CDH13: variants seen among roughly 807,000 people sequenced by gnomAD.
The protein encoded by CDH13 is cadherin 13, also known as cadherin-13.
CDH13 carries 24 observed loss-of-function variants against 63.8 expected under a neutral mutation model. The ratio of observed to expected loss-of-function variants is 0.38; its 90% confidence interval spans 0.27 to 0.53. CDH13 has a LOEUF of 0.53. Among genes scored for constraint, CDH13 ranks in the 20% least tolerant of loss-of-function variants. The pLI is 0.85. For missense variants in CDH13, 1,049 were observed against 903.1 expected (o/e 1.16, Z -2.07); for synonymous variants, 503 against 355.3 (o/e 1.42, Z -4.67).
At chr16:83,310,319 G>C (rs77635880) in intron 5 of CDH13, among the ~76,000 whole-genome samples, 12,088 of 152,224 alleles carry the variant, frequency 0.079, 678 homozygotes, top group Non-Finnish European at 0.12. Context: ...TTTTGATAAG[G>C]TAAATTAGTT....
At chr16:83,000,699 C>A (rs913961941) in intron 2 of CDH13, among the ~76,000 whole-genome samples, 2 of 151,462 alleles carry the variant, frequency 1.3e-5, no homozygotes, top group Non-Finnish European at 2.9e-5. Context: ...CCTGCCTCAG[C>A]TTCCCAGGTA....
chr16:82,756,772 T>C (rs2034627262), intron 1 of CDH13, among the ~76,000 whole-genome samples: 1 of 152,144 alleles, frequency 6.6e-6, no homozygotes, highest in South Asian at 2.1e-4. Flanking sequence ...TCTTGGAAGA[T>C]TATGCTTTCG....
intron 5 of CDH13, among the ~76,000 whole-genome samples, chr16:83,340,093 C>A (rs1396044648): frequency 6.6e-6 from 1 of 152,186 alleles, no homozygotes; most frequent in African/African-American, 2.4e-5. Flanking sequence ...TGCAATGTTT[C>A]ACTTTTCAAT....
chr16:82,875,880 C>T (rs761754473), intron 2 of CDH13, among the ~76,000 whole-genome samples: 22 of 152,276 alleles, frequency 1.4e-4, no homozygotes, highest in Admixed American at 4.6e-4. Context: ...ATACCCGAGA[C>T]TGGGCAATTT....
At chr16:83,573,724 A>T (rs998621354) in intron 7 of CDH13, among the ~76,000 whole-genome samples, 1 of 152,238 alleles carries the variant, frequency 6.6e-6, no homozygotes, top group Non-Finnish European at 1.5e-5. Context: ...AAATGTAGGT[A>T]ACTCTTTTCT....
chr16:83,077,035 T>G (rs1263259161), intron 3 of CDH13, among the ~76,000 whole-genome samples: 3 of 152,022 alleles, frequency 2.0e-5, no homozygotes, highest in Non-Finnish European at 4.4e-5. Context: ...CCACCAATAT[T>G]CTGATTTTTC....
chr16:83,764,170 T>C (rs1914197497), intron 11 of CDH13, among the ~76,000 whole-genome samples: 1 of 152,162 alleles, frequency 6.6e-6, no homozygotes, highest in South Asian at 2.1e-4. Context: ...GAATCATGAG[T>C]GCTGAGGCAA....
At chr16:82,870,612 A>G (rs1361062148) in intron 2 of CDH13, among the ~76,000 whole-genome samples, 3 of 152,164 alleles carry the variant, frequency 2.0e-5, no homozygotes, top group Non-Finnish European at 4.4e-5. Context: ...TTTATTATAT[A>G]TTTTACATAC....
intron 6 of CDH13, among the ~76,000 whole-genome samples, chr16:83,437,254 T>C (rs1178257066): frequency 6.6e-6 from 1 of 152,186 alleles, no homozygotes; most frequent in African/African-American, 2.4e-5. Context: ...TCAGTTTCCT[T>C]CTTTGTTAGA....
chr16:82,824,888 T>G (rs2038170546), intron 1 of CDH13: 1 of 152,242 alleles, frequency 6.6e-6, no homozygotes, highest in South Asian at 2.1e-4. Flanking sequence ...TTCTCATTAG[T>G]ATTTGTTCAG....
At chr16:83,004,312 C>T (rs900937903) in intron 2 of CDH13, among the ~76,000 whole-genome samples, 11 of 152,182 alleles carry the variant, frequency 7.2e-5, no homozygotes, top group African/African-American at 2.7e-4. Flanking sequence ...ACTTTGAATT[C>T]ACAAAACACT....
Position 83,456,013 on chromosome 16 carries a change from C to T in CDH13, c.782-30464C>T, listed in dbSNP as rs371598005. Among the ~76,000 whole-genome samples the T allele has an allele frequency of 1.7e-3, 264 of 152,346 alleles. 9 individuals are homozygous for T. The South Asian group carries it at 0.053, about 30-fold the overall frequency. On this transcript the variant is annotated intron_variant, in intron 6 of 13. Transcript: ENST00000567109. ...GGAGGCTCCCACTGCTGTTACCCTG[C>T]TGTCTGTCTTCAGCGAGGCTGGAGT...
At chr16:83,000,131 G>A (rs1183061242) in intron 2 of CDH13, among the ~76,000 whole-genome samples, 1 of 150,154 alleles carries the variant, frequency 6.7e-6, no homozygotes, top group Non-Finnish European at 1.5e-5. Flanking sequence ...TTGGTACCTG[G>A]TAAGTGCTCA....
In CDH13 at chr16:82,986,636, C is replaced by T. The variant is rs941794609; in HGVS notation, c.158-45374C>T. Among the ~76,000 whole-genome samples, 3 of 152,096 alleles carry T rather than the reference C, an allele frequency of 2.0e-5. No individual in the cohort carries two copies. In the South Asian group the frequency reaches 6.2e-4, roughly 32 times the overall value. ...TCTTCTTCCTGTGTCTCTTATTTTTCTAGGGATAGCAGAAATGAAAGAGGC... is the reference window on the plus strand; with the variant it reads ...TCTTCTTCCTGTGTCTCTTATTTTTTTAGGGATAGCAGAAATGAAAGAGGC... On this transcript the variant is annotated intron_variant, in intron 2 of 13. Transcript: ENST00000567109.
chr16:83,051,665 A>C (rs2030350782), intron 3 of CDH13, among the ~76,000 whole-genome samples: 2 of 152,208 alleles, frequency 1.3e-5, no homozygotes, highest in African/African-American at 4.8e-5. Context: ...CCAAGTTCCC[A>C]CTTAGAGCAA....
intron 10 of CDH13, among the ~76,000 whole-genome samples, chr16:83,722,313 C>T (rs1909802589): frequency 6.6e-6 from 1 of 152,208 alleles, no homozygotes; most frequent in African/African-American, 2.4e-5. Flanking sequence ...GTGCCAGCTA[C>T]ATATGTACAG....
intron 10 of CDH13, among the ~76,000 whole-genome samples, chr16:83,722,122 G>A (rs1909777302): frequency 6.6e-6 from 1 of 152,114 alleles, no homozygotes; most frequent in Non-Finnish European, 1.5e-5. Flanking sequence ...GAGTGGGGAG[G>A]AGTGTGCCAC....
intron 4 of CDH13, among the ~76,000 whole-genome samples, chr16:83,143,379 AT>A (rs1388635991): frequency 6.6e-6 from 1 of 152,220 alleles, no homozygotes; most frequent in Non-Finnish European, 1.5e-5. Context: ...ATGTATTCAT[AT>A]ACATACTATA....
chr16:83,252,324 G>T (rs1224065109), intron 5 of CDH13, among the ~76,000 whole-genome samples: 5 of 148,006 alleles, frequency 3.4e-5, no homozygotes, highest in African/African-American at 1.3e-4. Context: ...AAGTTTTAGG[G>T]TACATGTGCA....
Sources: gnomAD v4.1 joint callset for allele counts (sites outside exome capture counted in the v4.1 genomes callset) on GRCh38, gnomAD v4.1.1 for gene constraint, MANE v1.5 for transcripts, NCBI Gene and HGNC (gene_info 2026-07-23, HGNC 2026-07-21) for gene names.